The following PRCC variants were observed in gnomAD, a reference collection of about 807,000 sequenced individuals.
The protein encoded by PRCC is proline rich mitotic checkpoint control factor, also known as proline-rich protein PRCC.
A neutral mutation model predicts 44.0 loss-of-function variants in PRCC; 10 were observed. The ratio of observed to expected loss-of-function variants is 0.23; its 90% CI spans 0.14 to 0.39. PRCC has a LOEUF of 0.39. PRCC is among the 10% of genes least tolerant of loss of function. The pLI, the probability that PRCC is intolerant of heterozygous loss-of-function variation, is 1.00. For synonymous variants in PRCC, 278 were observed against 259.5 expected (o/e 1.07, Z -0.69); for missense variants, 573 against 624.7 (o/e 0.92, Z 0.88).
At chr1:156,780,146 T>C (rs1420250759) in intron 1 of PRCC, among the ~76,000 whole-genome samples, 1 of 152,072 alleles carries the variant, frequency 6.6e-6, no homozygotes, top group Non-Finnish European at 1.5e-5. Context: ...AACCTCTGCC[T>C]CCCAGATTTC....
intron 5 of PRCC, chr1:156,795,851 G>A (rs1652644823): frequency 1.3e-5 from 2 of 152,222 alleles, no homozygotes; most frequent in South Asian, 4.1e-4. Flanking sequence ...AACAGCAAAT[G>A]TGGACATTTA....
chr1:156,797,375 GA>G, intron 6 of PRCC, 34 bp downstream of exon 6: 2 of 1,612,954 alleles, frequency 1.2e-6, no homozygotes, highest in Non-Finnish European at 1.7e-6. Flanking sequence ...GCTCAGGCAG[GA>G]TCTCTGTAAA....
At position 156,767,999 on chromosome 1, in the gene PRCC, G is replaced by C. The variant is rs377700073; in HGVS notation, c.228G>C (p.Arg76Ser). ...TTCCCCCACCCACCGGAGACCCCAG[G>C]CTTCAGCCTCCTCCCCCCTTGCCCT... ...LLLPPPTGDP[R>S]LQPPPPLPFG... The change falls in exon 1 of 7, where the codon AGG (arginine) becomes AGC (serine). Residue 76 changes from arginine to serine, a missense_variant. By Grantham distance (110) the Arg-to-Ser change is moderately radical. This residue lies in a region of PRCC where 245 missense variants were observed against 188.5 expected (regional missense o/e 1.30). Transcript: ENST00000271526. The C allele has an allele frequency of 1.6e-5, 25 of 1,573,422 alleles. No individual in the cohort carries two copies. Among genetic ancestry groups the C allele is most frequent in the Non-Finnish European group, 2.1e-5 (24 of 1,158,522 alleles).
At chr1:156,791,095 C>A (rs11264554) in intron 3 of PRCC, 564,572 of 1,410,292 alleles carry the variant, frequency 0.4, 119,185 homozygotes, top group East Asian at 0.73. Flanking sequence ...GGCCACTCGC[C>A]TCTAAGGGGA....
intron 1 of PRCC, among the ~76,000 whole-genome samples, chr1:156,769,250 C>CA (rs1204999400): frequency 6.6e-6 from 1 of 152,256 alleles, no homozygotes; most frequent in Non-Finnish European, 1.5e-5. Flanking sequence ...TCCCTCACCT[C>CA]ACTTGGCCTA....
At chr1:156,797,464 C>A (rs540605327) in intron 6 of PRCC, 123 bp downstream of exon 6, 3 of 1,130,356 alleles carry the variant, frequency 2.7e-6, no homozygotes, top group African/African-American at 3.1e-5. Context: ...TAGCAGGCAT[C>A]CTCTCCTATT....
chr1:156,790,750 G>A (rs1652445635), intron 3 of PRCC, among the ~76,000 whole-genome samples: 1 of 152,110 alleles, frequency 6.6e-6, no homozygotes, highest in Non-Finnish European at 1.5e-5. Flanking sequence ...GATAATCTAT[G>A]TAAATTAAAG....
chr1:156,770,506 C>G (rs1233001211), intron 1 of PRCC, among the ~76,000 whole-genome samples: 5 of 152,262 alleles, frequency 3.3e-5, no homozygotes, highest in Admixed American at 6.5e-5. Context: ...TCCCGAGTAG[C>G]TGGGATTACA....
At position 156,767,637 on chromosome 1, in the gene PRCC, G is replaced by A. The variant is rs1651442248; in HGVS notation, c.-135G>A. The A allele has an allele frequency of 1.2e-6, 1 of 832,260 alleles. No homozygotes were observed. Among genetic ancestry groups the A allele is most frequent in the Non-Finnish European group, 1.8e-6 (1 of 541,768 alleles). 51.6% of individuals were successfully genotyped at this position (832,260 alleles called of 1,614,324 possible). On this transcript the variant is annotated 5_prime_UTR_variant, in exon 1 of 7. An upstream open reading frame in the 5' UTR loses its in-frame stop. Transcript: ENST00000271526. The stretch of plus-strand genomic sequence containing the variant: ...TAGCCATGAGTTTCTGCCGGGGCTA[G>A]CCCTAGAGTACGGAGCAGGCGGACT...
intron 3 of PRCC, chr1:156,791,215 C>T (rs1652460804): frequency 1.6e-6 from 2 of 1,242,444 alleles, no homozygotes; most frequent in African/African-American, 3.0e-5. Flanking sequence ...GATCTATAAC[C>T]TCCCCACCCG....
rs572153861 is a variant in PRCC, at chr1:156,795,582, G to A, written c.1323+774G>A. Among the ~76,000 whole-genome samples the A allele has an allele frequency of 5.9e-5, 9 of 152,142 alleles. No homozygotes were observed. In the South Asian group the frequency reaches 1.2e-3, roughly 21 times the overall value. On this transcript the variant is annotated intron_variant, in intron 5 of 6. Transcript: ENST00000271526. ...ATTACAGGCATGAGCCACTATACCC[G>A]GCCCCGGTTAGTTCATTGTTTCAAG...
At chr1:156,793,045 A>G (rs1319375566) in intron 4 of PRCC, among the ~76,000 whole-genome samples, 2 of 152,180 alleles carry the variant, frequency 1.3e-5, no homozygotes, top group African/African-American at 2.4e-5. Flanking sequence ...GTCACAGCCT[A>G]TTAGGAGGGA....
intron 4 of PRCC, among the ~76,000 whole-genome samples, chr1:156,792,249 ATTC>A (rs886622672): frequency 6.6e-6 from 1 of 151,508 alleles, no homozygotes; most frequent in African/African-American, 2.4e-5. Flanking sequence ...TGTGGCCTTT[ATTC>A]TTATGGTCCA....
intron 5 of PRCC, chr1:156,795,768 AC>A (rs769756975): frequency 4.6e-5 from 7 of 152,030 alleles, no homozygotes; most frequent in Non-Finnish European, 1.0e-4. Context: ...CATTTCCCAC[AC>A]CACACTCCTG....
intron 4 of PRCC, among the ~76,000 whole-genome samples, 156 bp downstream of exon 4, chr1:156,791,948 G>A (rs1370874551): frequency 6.6e-6 from 1 of 151,808 alleles, no homozygotes; most frequent in East Asian, 1.9e-4. Context: ...AAATAATAGT[G>A]GCTTATATAA....
At chr1:156,775,012 G>T (rs1468381765) in intron 1 of PRCC, among the ~76,000 whole-genome samples, 1 of 151,614 alleles carries the variant, frequency 6.6e-6, no homozygotes, top group Non-Finnish European at 1.5e-5. Context: ...ACTTTGGGAG[G>T]CTGAGGTGGG....
At chr1:156,793,067 AG>A (rs1387933276) in intron 4 of PRCC, among the ~76,000 whole-genome samples, 3 of 152,180 alleles carry the variant, frequency 2.0e-5, no homozygotes, top group African/African-American at 7.2e-5. Context: ...CTGCAGAAAT[AG>A]GGGGTGCTAC....
At chr1:156,792,065 T>A (rs1422383600) in intron 4 of PRCC, among the ~76,000 whole-genome samples, 2 of 125,362 alleles carry the variant, frequency 1.6e-5, no homozygotes, top group East Asian at 4.2e-4. Flanking sequence ...TTTTTTTTTT[T>A]TTTTTTTTTT....
At chr1:156,780,810 C>G (rs1412772525) in intron 1 of PRCC, among the ~76,000 whole-genome samples, 1 of 152,066 alleles carries the variant, frequency 6.6e-6, no homozygotes, top group East Asian at 1.9e-4. Context: ...TCACTGCAAC[C>G]TCTGCTTCCG....
Sources: allele counts gnomAD v4.1 joint callset (sites outside exome capture counted in the v4.1 genomes callset), GRCh38; gene constraint gnomAD v4.1.1; regional missense constraint gnomAD v4.1.1; transcripts MANE v1.5; gene names NCBI Gene and HGNC (gene_info 2026-07-23, HGNC 2026-07-21).